IL1RAPL2: variants seen among roughly 807,000 people sequenced by gnomAD.
IL1RAPL2 encodes the protein interleukin 1 receptor accessory protein like 2.
A neutral mutation model predicts 44.1 loss-of-function variants in IL1RAPL2; 3 were observed. The observed-to-expected ratio is 0.07, with a 90% CI of 0.03 to 0.18. The LOEUF is 0.18. Ranked by LOEUF, IL1RAPL2 falls within the 10% of genes least tolerant of loss-of-function variation. The pLI is 1.00. For missense variants in IL1RAPL2, 391 were observed against 496.4 expected, an observed-to-expected ratio of 0.79 and a Z score of 2.02; for synonymous variants, 181 against 178.8, an observed-to-expected ratio of 1.01 and a Z score of -0.10.
chrX:104,619,219 G>A (rs1305139751), intron 1 of IL1RAPL2, among the ~76,000 whole-genome samples: 1 of 112,305 alleles, frequency 8.9e-6, no homozygotes, highest in African/African-American at 3.2e-5. Flanking sequence ...CTGCCAGGTT[G>A]CCACAGAATG....
rs1399829579 is a variant in IL1RAPL2 at position 105,197,869 on chromosome X, T to C, written c.356+2121T>C. ...AAAGATTATTTTGTCACCCAGGTAA[T>C]AAGCATAGTACCTGATAGGTAGTTT... On this transcript the variant is annotated intron_variant, in intron 3 of 10. Transcript: ENST00000372582. 2.7e-5 allele frequency among the ~76,000 whole-genome samples: 3 copies of C among 110,735 alleles called. No individual in the cohort carries two copies. The Admixed American group carries it at 2.9e-4, about 11-fold the overall frequency.
At chrX:105,151,213 A>G (rs964673217) in intron 2 of IL1RAPL2, among the ~76,000 whole-genome samples, 2 of 111,860 alleles carry the variant, frequency 1.8e-5, no homozygotes, top group Non-Finnish European at 3.8e-5. Context: ...AGGATCATAG[A>G]TGGAGATGTA....
intron 2 of IL1RAPL2, among the ~76,000 whole-genome samples, chrX:104,715,676 T>C (rs1462338991): frequency 1.6e-5 from 1 of 64,075 alleles, no homozygotes; most frequent in Admixed American, 1.9e-4. Flanking sequence ...CTATTCACAA[T>C]TGCTAAAAAA....
chrX:105,699,416 T>A (rs751486591), intron 6 of IL1RAPL2, among the ~76,000 whole-genome samples: 1 of 111,793 alleles, frequency 8.9e-6, no homozygotes, highest in Non-Finnish European at 1.9e-5. Context: ...GCGATGAACT[T>A]CACACATAAA....
At chrX:105,220,099 T>C in intron 3 of IL1RAPL2, 19 of 1,211,561 alleles carry the variant, frequency 1.6e-5, no homozygotes, top group Non-Finnish European at 2.1e-5. Context: ...GGCTGATTTG[T>C]GCAGTTTGGC....
chrX:104,842,146 A>T (rs1217882215), intron 2 of IL1RAPL2, among the ~76,000 whole-genome samples: 1 of 108,716 alleles, frequency 9.2e-6, no homozygotes, highest in Admixed American at 1.0e-4. Context: ...GTGGTCTTCA[A>T]TCTCTGATAT....
At chrX:105,673,169 T>C (rs1224931214) in intron 6 of IL1RAPL2, among the ~76,000 whole-genome samples, 1 of 111,680 alleles carries the variant, frequency 9.0e-6, no homozygotes, top group East Asian at 2.8e-4. Context: ...TTATTTCTAT[T>C]TTTAGTTTTA....
chrX:105,702,634 T>A (rs546224788), intron 6 of IL1RAPL2, among the ~76,000 whole-genome samples: 2 of 111,903 alleles, frequency 1.8e-5, no homozygotes, highest in South Asian at 7.3e-4. Context: ...ATTTCAGTGA[T>A]GAAAAGTATG....
intron 2 of IL1RAPL2, among the ~76,000 whole-genome samples, chrX:104,967,362 G>A (rs1373301204): frequency 3.6e-5 from 4 of 110,477 alleles, no homozygotes; most frequent in Non-Finnish European, 5.7e-5. Flanking sequence ...TGGAGCAAGT[G>A]AAAGATGAAA....
At chrX:105,030,786 A>G (rs1237462079) in intron 2 of IL1RAPL2, among the ~76,000 whole-genome samples, 1 of 111,825 alleles carries the variant, frequency 8.9e-6, no homozygotes, top group African/African-American at 3.3e-5. Context: ...GAAGAAAGTC[A>G]TTGGTAGCTT....
chrX:104,908,401 A>G (rs1056901380), intron 2 of IL1RAPL2, among the ~76,000 whole-genome samples: 3 of 111,463 alleles, frequency 2.7e-5, no homozygotes, highest in African/African-American at 9.8e-5. Flanking sequence ...CCTAGTCTCT[A>G]TGGTCTTTAC....
intron 2 of IL1RAPL2, among the ~76,000 whole-genome samples, chrX:104,666,182 C>A (rs1188276584): frequency 9.0e-6 from 1 of 110,633 alleles, no homozygotes; most frequent in African/African-American, 3.3e-5. Flanking sequence ...AAATCTCTGC[C>A]TATTCCATTA....
At chrX:105,343,790 A>C (rs1360893309) in intron 5 of IL1RAPL2, among the ~76,000 whole-genome samples, 1 of 112,334 alleles carries the variant, frequency 8.9e-6, no homozygotes, top group Non-Finnish European at 1.9e-5. Context: ...AAAATTTAAC[A>C]GTGATTATTT....
At chrX:104,682,897 G>A (rs1930913003) in intron 2 of IL1RAPL2, among the ~76,000 whole-genome samples, 2 of 111,498 alleles carry the variant, frequency 1.8e-5, no homozygotes, top group Admixed American at 9.5e-5. Flanking sequence ...ATATTAAAAA[G>A]GGTTTTATTT....
intron 6 of IL1RAPL2, among the ~76,000 whole-genome samples, chrX:105,685,089 A>C (rs1602521019): frequency 8.9e-6 from 1 of 112,220 alleles, no homozygotes; most frequent in Non-Finnish European, 1.9e-5. Context: ...AAAACCACAA[A>C]GATTGGGAGA....
intron 2 of IL1RAPL2, among the ~76,000 whole-genome samples, chrX:105,192,086 T>C (rs1366402698): frequency 8.9e-6 from 1 of 112,178 alleles, no homozygotes; most frequent in Non-Finnish European, 1.9e-5. Flanking sequence ...CTCTATGGGC[T>C]ACTCAGTTCC....
intron 4 of IL1RAPL2, among the ~76,000 whole-genome samples, chrX:105,248,872 G>T (rs2147645824): frequency 9.0e-6 from 1 of 111,111 alleles, no homozygotes; most frequent in South Asian, 3.8e-4. Flanking sequence ...CGAAGAAAAG[G>T]GAACCCTTGT....
intron 2 of IL1RAPL2, among the ~76,000 whole-genome samples, chrX:104,853,204 C>T (rs1422208552): frequency 3.6e-5 from 4 of 111,673 alleles, no homozygotes; most frequent in Non-Finnish European, 7.5e-5. Flanking sequence ...AAAAGCTTAA[C>T]GTTTGGTTGG....
intron 2 of IL1RAPL2, among the ~76,000 whole-genome samples, chrX:104,984,069 G>C (rs2030516476): frequency 9.0e-6 from 1 of 111,018 alleles, no homozygotes; most frequent in South Asian, 3.7e-4. Context: ...AGTATTTGAA[G>C]CAGTTGTAAT....
Sources: allele counts gnomAD v4.1 joint callset (sites outside exome capture counted in the v4.1 genomes callset), GRCh38; gene constraint gnomAD v4.1.1; transcripts MANE v1.5; gene names NCBI Gene and HGNC (gene_info 2026-07-23, HGNC 2026-07-21).